The following ABTB3 variants were observed in gnomAD, a reference collection of about 807,000 sequenced individuals.
ABTB3 encodes ankyrin repeat and BTB domain containing 3, also known as ankyrin repeat- and BTB/POZ domain-containing protein 3.
At chr12:107,659,614 T>G in the ABTB3 span, 2 of 152,392 alleles carry the variant, frequency 1.3e-5, no homozygotes, top group East Asian at 3.9e-4. Flanking sequence ...GTGCTTTCTC[T>G]GTCATTAAAA....
At chr12:107,335,344 C>A in the ABTB3 span, among the ~76,000 whole-genome samples, 1 of 121,376 alleles carries the variant, frequency 8.2e-6, no homozygotes, top group South Asian at 3.1e-4. Context: ...CATCGATGTA[C>A]TTATTGGGAA....
chr12:107,635,939 G>T, the ABTB3 span, among the ~76,000 whole-genome samples: 3 of 144,928 alleles, frequency 2.1e-5, no homozygotes, highest in Admixed American at 7.3e-5. Context: ...AGCGGCAGAG[G>T]CTGGATGCTT....
the ABTB3 span, among the ~76,000 whole-genome samples, chr12:107,495,226 A>G: frequency 6.6e-6 from 1 of 152,206 alleles, no homozygotes; most frequent in African/African-American, 2.4e-5. Flanking sequence ...TGGCCTTAGC[A>G]TCGTCTCCTG....
the ABTB3 span, among the ~76,000 whole-genome samples, chr12:107,602,501 C>T: frequency 1.2e-4 from 19 of 152,300 alleles, no homozygotes; most frequent in East Asian, 1.4e-3. Flanking sequence ...CTCTGCTAAG[C>T]GCTATACACG....
the ABTB3 span, chr12:107,657,787 A>G: frequency 6.5e-7 from 1 of 1,531,928 alleles, no homozygotes; most frequent in Non-Finnish European, 9.0e-7. Flanking sequence ...TTACACAAAC[A>G]CAGACAAATT....
chr12:107,359,003 C>T, the ABTB3 span, among the ~76,000 whole-genome samples: 74 of 152,196 alleles, frequency 4.9e-4, no homozygotes, highest in Non-Finnish European at 8.1e-4. Flanking sequence ...GTCTGCTGTC[C>T]CATCTTATGT....
the ABTB3 span, among the ~76,000 whole-genome samples, chr12:107,557,330 G>A: frequency 3.5e-3 from 534 of 152,252 alleles, 7 homozygotes; most frequent in Non-Finnish European, 5.9e-3. Flanking sequence ...GCATTTGTGT[G>A]TCTAAACAGA....
the ABTB3 span, chr12:107,318,710 G>C: frequency 2.0e-6 from 1 of 496,184 alleles, no homozygotes; most frequent in Admixed American, 3.6e-5. Context: ...TCCCCATTGC[G>C]CCCAGCTCCG....
the ABTB3 span, among the ~76,000 whole-genome samples, chr12:107,321,492 G>A: frequency 6.6e-6 from 1 of 152,076 alleles, no homozygotes; most frequent in African/African-American, 2.4e-5. Flanking sequence ...GTGTGTGTTG[G>A]GGAGGGGAAT....
At chr12:107,493,098 C>A in the ABTB3 span, among the ~76,000 whole-genome samples, 2 of 150,640 alleles carry the variant, frequency 1.3e-5, no homozygotes, top group Non-Finnish European at 2.9e-5. Flanking sequence ...AAAAAAAAGT[C>A]TCTTCCTTGA....
chr12:107,520,581 G>A, the ABTB3 span: 1 of 1,614,254 alleles, frequency 6.2e-7, no homozygotes. Flanking sequence ...AGTCGGAGCT[G>A]AGGACCATCG....
chr12:107,620,088 T>C, the ABTB3 span: 1 of 1,614,192 alleles, frequency 6.2e-7, no homozygotes, highest in Non-Finnish European at 8.5e-7. Context: ...TTTAAGACCA[T>C]TCAGGAGGAG....
the ABTB3 span, among the ~76,000 whole-genome samples, chr12:107,508,487 T>C: frequency 3.2e-5 from 4 of 124,302 alleles, no homozygotes; most frequent in Non-Finnish European, 1.6e-5. Flanking sequence ...AGTCTCGCCC[T>C]GTCACCCAGG....
the ABTB3 span, among the ~76,000 whole-genome samples, chr12:107,562,980 C>A: frequency 6.6e-6 from 1 of 152,184 alleles, no homozygotes. Context: ...ATGGTCCTAA[C>A]GCCAGTCTGA....
At chr12:107,604,284 T>C in the ABTB3 span, among the ~76,000 whole-genome samples, 1 of 151,900 alleles carries the variant, frequency 6.6e-6, no homozygotes, top group African/African-American at 2.4e-5. Context: ...CTGTCCCTAC[T>C]AAAAATACAA....
the ABTB3 span, among the ~76,000 whole-genome samples, chr12:107,425,549 G>T: frequency 1.3e-5 from 2 of 152,140 alleles, no homozygotes; most frequent in Non-Finnish European, 2.9e-5. Context: ...CCTTAAAAGG[G>T]TTAATTTTGT....
At chr12:107,446,813 G>T in the ABTB3 span, among the ~76,000 whole-genome samples, 1 of 152,186 alleles carries the variant, frequency 6.6e-6, no homozygotes, top group South Asian at 2.1e-4. Context: ...GGCATGCTGT[G>T]TGGCTCTGGG....
chr12:107,342,810 C>A, the ABTB3 span, among the ~76,000 whole-genome samples: 1 of 152,238 alleles, frequency 6.6e-6, no homozygotes, highest in South Asian at 2.1e-4. Context: ...TCAAGCCCTA[C>A]GTATTTCTTG....
the ABTB3 span, among the ~76,000 whole-genome samples, chr12:107,387,884 A>G: frequency 6.6e-6 from 1 of 151,796 alleles, no homozygotes; most frequent in Non-Finnish European, 1.5e-5. Context: ...ATTCCACCAA[A>G]TAGTGAAGAC....
Sources: gnomAD v4.1 joint callset for allele counts (sites outside exome capture counted in the v4.1 genomes callset) on GRCh38, gnomAD v4.1.1 for gene constraint, MANE v1.5 for transcripts, NCBI Gene and HGNC (gene_info 2026-07-23, HGNC 2026-07-21) for gene names.